ZNF765: variants seen among roughly 807,000 people sequenced by gnomAD.
The protein encoded by ZNF765 is zinc finger protein 765.
Under a neutral mutation model 44.7 loss-of-function variants are expected in ZNF765, and 37 were observed. The ratio of observed to expected loss-of-function variants is 0.83; its 90% CI spans 0.64 to 1.09. ZNF765 has a LOEUF of 1.09. ZNF765 is among the 50% of genes least tolerant of loss of function. ZNF765 has a pLI of 0.00. For missense variants in ZNF765, 594 were observed against 626.1 expected (o/e 0.95, Z 0.55); for synonymous variants, 201 against 213.7 (o/e 0.94, Z 0.52).
chr19:53,396,601 C>G (rs995390063), intron 1 of ZNF765, among the ~76,000 whole-genome samples: 2 of 151,822 alleles, frequency 1.3e-5, no homozygotes, highest in African/African-American at 4.8e-5. Flanking sequence ...TTTCTTCACT[C>G]TTGTTCTAAA....
At chr19:53,399,225 T>C in intron 2 of ZNF765, among the ~76,000 whole-genome samples, 1 of 111,896 alleles carries the variant, frequency 8.9e-6, no homozygotes, top group South Asian at 3.5e-4. Context: ...CCTAATGCTA[T>C]CCCTCCCCCC....
rs1378711737 is a variant in ZNF765 at position 53,408,235 on chromosome 19, GCTCA to G, written c.684_687del (p.Leu229Ter). On this transcript the variant is annotated frameshift_variant, in exon 4 of 4. Coordinates refer to ENST00000396408, the MANE Select transcript of ZNF765 (RefSeq NM_001040185.3). LOFTEE classifies it high-confidence loss of function. ...GACAGTGGCAAAGCCTATAATTGTA[GCTCA>G]CTCTTAAGGAAACATCAGTTAATCC... 4 of 1,614,104 alleles carry G rather than the reference GCTCA, an allele frequency of 2.5e-6. No individual in the cohort carries two copies.
chr19:53,422,962 T>C, intron 3 of ZNF765: 1 of 733,126 alleles, frequency 1.4e-6, no homozygotes, highest in South Asian at 1.4e-5. Context: ...GCCAACACGT[T>C]ATTCCTCCTC....
At chr19:53,413,787 T>A (rs2085851334), downstream of ZNF765, among the ~76,000 whole-genome samples, 1 of 151,422 alleles carries the variant, frequency 6.6e-6, no homozygotes. Context: ...CATAAAACAA[T>A]GTCAGTGTGT....
intron 1 of ZNF765, among the ~76,000 whole-genome samples, chr19:53,397,714 C>T (rs1469447077): frequency 1.3e-5 from 2 of 152,044 alleles, no homozygotes; most frequent in African/African-American, 4.8e-5. Context: ...TGGGTCTGTG[C>T]CCTAAAGGGG....
intron 3 of ZNF765, among the ~76,000 whole-genome samples, chr19:53,419,408 ATTGTTTCTC>A (rs1350461597): frequency 6.6e-6 from 1 of 152,204 alleles, no homozygotes; most frequent in African/African-American, 2.4e-5. Context: ...ATGGAGAGTC[ATTGTTTCTC>A]TATTGAAAAC....
chr19:53,409,554 G>A lies in ZNF765; in HGVS notation c.*427G>A, dbSNP rs2085813799. On this transcript the variant is annotated 3_prime_UTR_variant, in exon 4 of 4. Transcript: ENST00000396408. The stretch of plus-strand genomic sequence containing the variant: ...AACCTTACAAATGTGAAGAATTTGA[G>A]TTTTCCATTTCAAATCAAACCTTGA... 1 of 967,642 alleles carries A rather than the reference G, an allele frequency of 1.0e-6. No individual in the cohort carries two copies. The highest frequency in any genetic ancestry group is 1.5e-6 in the Non-Finnish European group (1 of 649,066). 59.9% of individuals were successfully genotyped at this position (967,642 alleles called of 1,614,324 possible). A position where few individuals can be genotyped will look rare whatever the true frequency, so the allele number is the denominator to read the frequency against.
At chr19:53,414,801 C>A (rs1375217630), downstream of ZNF765, among the ~76,000 whole-genome samples, 1 of 150,672 alleles carries the variant, frequency 6.6e-6, no homozygotes, top group Non-Finnish European at 1.5e-5. Context: ...ACCACAGGTG[C>A]TCAATCAGTG....
At chr19:53,405,948 T>TATATATATATATAA (rs1555832274) in intron 3 of ZNF765, among the ~76,000 whole-genome samples, 1 of 123,584 alleles carries the variant, frequency 8.1e-6, no homozygotes, top group Admixed American at 8.6e-5. Context: ...TATATATATA[T>TATATATATATATAA]ATAAAATTGC....
At chr19:53,414,485 ACACACCC>A (rs2085861674), downstream of ZNF765, among the ~76,000 whole-genome samples, 5 of 1,558 alleles carry the variant, frequency 3.2e-3, no homozygotes, top group Non-Finnish European at 7.1e-3. Flanking sequence ...ACACACACAC[ACACACCC>A]CCCCCCCCCC....
At chr19:53,420,817 A>G (rs2085902538) in intron 3 of ZNF765, among the ~76,000 whole-genome samples, 1 of 152,152 alleles carries the variant, frequency 6.6e-6, no homozygotes, top group South Asian at 2.1e-4. Flanking sequence ...CAGGGACACA[A>G]TACCCTGTGG....
chr19:53,402,254 T>C (rs1174650318), intron 3 of ZNF765, 63 bp downstream of exon 3: 8 of 298,886 alleles, frequency 2.7e-5, no homozygotes, highest in East Asian at 8.5e-5. Flanking sequence ...TCTCCTTTTT[T>C]TTTTTTTTTT....
intron 2 of ZNF765, among the ~76,000 whole-genome samples, chr19:53,400,939 T>C (rs2085719718): frequency 1.3e-5 from 2 of 151,924 alleles, no homozygotes; most frequent in Admixed American, 1.3e-4. Context: ...TCAAGCCATC[T>C]TCCTACCTCA....
intron 2 of ZNF765, among the ~76,000 whole-genome samples, chr19:53,398,358 C>T (rs1266963238): frequency 6.6e-6 from 1 of 152,136 alleles, no homozygotes; most frequent in African/African-American, 2.4e-5. Flanking sequence ...TGTCAGCTCT[C>T]TGTAGACCAG....
chr19:53,411,073 T>A lies in ZNF765; in HGVS notation c.*1946T>A, dbSNP rs1377102908. On this transcript the variant is annotated 3_prime_UTR_variant, in exon 4 of 4. Coordinates refer to ENST00000396408, the MANE Select transcript of ZNF765 (RefSeq NM_001040185.3). ...CACTAGAGTCAGTTCAGCATTGACT[T>A]GAGTTTGACTTAACATTGAGTTGAA... The A allele has an allele frequency of 1.5e-5, 4 of 270,954 alleles. No homozygotes were observed. The highest frequency in any genetic ancestry group is 2.3e-5 in the Non-Finnish European group (3 of 133,182). The allele number at this position is 270,954 out of a possible 1,614,324, so 16.8% of individuals were successfully genotyped here.
chr19:53,426,747 G>A (rs2085942153), exon 4 of ZNF765: 2 of 151,636 alleles, frequency 1.3e-5, no homozygotes, highest in Admixed American at 1.3e-4. Flanking sequence ...GATGATCTCA[G>A]GTGGAACAGT....
At chr19:53,425,698 T>G (rs917297296) in exon 4 of ZNF765, 2 of 151,618 alleles carry the variant, frequency 1.3e-5, no homozygotes. Flanking sequence ...GACGCAGGGG[T>G]GGGTAAAGGT....
downstream of ZNF765, among the ~76,000 whole-genome samples, chr19:53,416,272 A>G (rs34594229): frequency 0.77 from 116,472 of 151,824 alleles, 45,715 homozygotes; most frequent in Non-Finnish European, 0.85. Context: ...CAGGCATGGT[A>G]GCGGGTGCCT....
At chr19:53,412,637 A>G (rs572813356), downstream of ZNF765, among the ~76,000 whole-genome samples, 5 of 152,310 alleles carry the variant, frequency 3.3e-5, no homozygotes, top group African/African-American at 9.6e-5. Flanking sequence ...AAACAAAAAG[A>G]AACATCAAAT....
Sources: allele counts gnomAD v4.1 joint callset (sites outside exome capture counted in the v4.1 genomes callset), GRCh38; gene constraint gnomAD v4.1.1; transcripts MANE v1.5; gene names NCBI Gene and HGNC (gene_info 2026-07-23, HGNC 2026-07-21).